The following HACD2 variants were observed in gnomAD, a reference collection of about 807,000 sequenced individuals.
HACD2 encodes very-long-chain (3R)-3-hydroxyacyl-CoA dehydratase 2.
HACD2 carries 15 observed loss-of-function variants against 31.0 expected under a neutral mutation model. The observed-to-expected ratio is 0.48, with a 90% CI of 0.32 to 0.75. The LOEUF is 0.75. HACD2 is among the 30% of genes least tolerant of loss of function. The pLI, the probability that HACD2 is intolerant of heterozygous loss-of-function variation, is 0.03. For missense variants in HACD2, 283 were observed against 313.0 expected (o/e 0.90, Z 0.72); for synonymous variants, 115 against 122.2 (o/e 0.94, Z 0.39).
intron 3 of HACD2, among the ~76,000 whole-genome samples, chr3:123,543,253 G>A (rs1309599196): frequency 6.6e-6 from 1 of 152,122 alleles, no homozygotes; most frequent in Non-Finnish European, 1.5e-5. Context: ...ACGGATGAGA[G>A]GTATTGCTGT....
chr3:123,582,572 T>C (rs946717450), intron 1 of HACD2, among the ~76,000 whole-genome samples: 5 of 151,962 alleles, frequency 3.3e-5, no homozygotes. Flanking sequence ...CTGGAGCTCA[T>C]TTTTTTGGCA....
Position 123,568,989 on chromosome 3 carries a change from A to T in HACD2, c.274-1209T>A, listed in dbSNP as rs559777038. ...TTTCATTGTGCATTAGTTATGAGAG[A>T]TCTACAGAGTCAGACTTGACAAGAC... On this transcript the variant is annotated intron_variant, in intron 2 of 6. Coordinates refer to ENST00000383657, the MANE Select transcript of HACD2 (RefSeq NM_198402.5). Among the ~76,000 whole-genome samples the T allele has an allele frequency of 7.9e-5, 12 of 152,304 alleles. No individual in the cohort carries two copies. The South Asian group carries it at 2.5e-3, about 32-fold the overall frequency.
At chr3:123,536,204 T>G (rs943847075) in intron 3 of HACD2, among the ~76,000 whole-genome samples, 8 of 152,180 alleles carry the variant, frequency 5.3e-5, no homozygotes, top group African/African-American at 1.9e-4. Flanking sequence ...TACACTCTCC[T>G]AACCTGTACC....
rs564817803 is a variant in HACD2 at position 123,509,701 on chromosome 3, G to A, written c.382-7020C>T. 1.5e-3 allele frequency among the ~76,000 whole-genome samples: 226 copies of A among 151,980 alleles called. 1 individual carries two copies. Among genetic ancestry groups the A allele is most frequent in the African/African-American group, 5.3e-3 (219 of 41,484 alleles). On this transcript the variant is annotated intron_variant, in intron 4 of 6. Coordinates refer to ENST00000383657, the MANE Select transcript of HACD2 (RefSeq NM_198402.5). ...TTTTTAGTAGAGATGGGGTTTCACC[G>A]TGTTAGCCAGGATGGTCTCGATCTC...
At chr3:123,502,757 G>C in intron 4 of HACD2, 76 bp from the exon 5 acceptor site, 1 of 1,477,322 alleles carries the variant, frequency 6.8e-7, no homozygotes, top group Non-Finnish European at 9.1e-7. Flanking sequence ...ACCCGGCAGA[G>C]CCAGGGAGTG....
At chr3:123,569,335 A>C (rs1273185786) in intron 2 of HACD2, among the ~76,000 whole-genome samples, 1 of 152,184 alleles carries the variant, frequency 6.6e-6, no homozygotes, top group Non-Finnish European at 1.5e-5. Context: ...TGAAACAAGA[A>C]GACAGATGAC....
intron 3 of HACD2, among the ~76,000 whole-genome samples, chr3:123,551,862 T>C (rs1185229055): frequency 1.3e-5 from 2 of 152,086 alleles, no homozygotes; most frequent in African/African-American, 2.4e-5. Context: ...TCACAATATA[T>C]CTATATAGCT....
intron 3 of HACD2, among the ~76,000 whole-genome samples, chr3:123,529,577 T>C (rs1201578524): frequency 6.6e-6 from 1 of 151,964 alleles, no homozygotes; most frequent in African/African-American, 2.4e-5. Flanking sequence ...ATAAAAAACA[T>C]ATTAGCTCGC....
intron 4 of HACD2, among the ~76,000 whole-genome samples, chr3:123,514,764 T>C (rs2056112126): frequency 6.6e-6 from 1 of 152,212 alleles, no homozygotes; most frequent in African/African-American, 2.4e-5. Flanking sequence ...ATCAAATTCT[T>C]AATAAATGCT....
intron 6 of HACD2, among the ~76,000 whole-genome samples, chr3:123,497,587 C>G (rs1382837375): frequency 6.6e-6 from 1 of 152,244 alleles, no homozygotes; most frequent in Non-Finnish European, 1.5e-5. Flanking sequence ...CACCCCTCAT[C>G]AATGTATCTT....
chr3:123,542,104 G>A (rs918450689), intron 3 of HACD2, among the ~76,000 whole-genome samples: 5 of 109,932 alleles, frequency 4.5e-5, no homozygotes, highest in South Asian at 3.3e-4. Flanking sequence ...CCGAGATCCC[G>A]CCACTGCACT....
At chr3:123,571,670 G>A (rs2056857042) in intron 2 of HACD2, among the ~76,000 whole-genome samples, 1 of 152,164 alleles carries the variant, frequency 6.6e-6, no homozygotes, top group African/African-American at 2.4e-5. Flanking sequence ...CTCCAGATAA[G>A]AAATCAGCCA....
chr3:123,521,833 G>T (rs1459009245), intron 4 of HACD2, among the ~76,000 whole-genome samples: 1 of 152,192 alleles, frequency 6.6e-6, no homozygotes, highest in African/African-American at 2.4e-5. Flanking sequence ...GGTAACATTG[G>T]ATTCTGTGGT....
intron 3 of HACD2, among the ~76,000 whole-genome samples, chr3:123,551,345 A>C (rs2107731535): frequency 6.6e-6 from 1 of 152,252 alleles, no homozygotes; most frequent in South Asian, 2.1e-4. Context: ...TAGGCCGGGC[A>C]CGGTGGCTCA....
At chr3:123,571,647 C>T (rs1338869661) in intron 2 of HACD2, among the ~76,000 whole-genome samples, 3 of 152,200 alleles carry the variant, frequency 2.0e-5, no homozygotes, top group Admixed American at 6.5e-5. Context: ...AAAGTGGATT[C>T]TTCCCCTGGA....
chr3:123,503,102 A>G (rs967797695), intron 4 of HACD2, among the ~76,000 whole-genome samples: 1 of 152,128 alleles, frequency 6.6e-6, no homozygotes, highest in African/African-American at 2.4e-5. Context: ...TGTTTCCACA[A>G]AAAATACAGA....
intron 2 of HACD2, among the ~76,000 whole-genome samples, chr3:123,573,199 T>A (rs1283383336): frequency 2.0e-5 from 3 of 152,360 alleles, no homozygotes; most frequent in African/African-American, 7.2e-5. Flanking sequence ...TAAAACTTAA[T>A]AATAATAATA....
At chr3:123,566,578 C>T (rs1435297905) in intron 3 of HACD2, among the ~76,000 whole-genome samples, 1 of 151,350 alleles carries the variant, frequency 6.6e-6, no homozygotes, top group African/African-American at 2.4e-5. Flanking sequence ...GCCACCACAC[C>T]TGGCCCAAGG....
rs761073155 is a variant in HACD2, at chr3:123,494,975, A to G, written c.683-5T>C. On this transcript the variant is annotated splice_region_variant and splice_polypyrimidine_tract_variant and intron_variant, in intron 6 of 6. Transcript: ENST00000383657. The stretch of plus-strand genomic sequence containing the variant: ...GGAAGTATAACTGGGGAAAAACTGA[A>G]AAGAAAAGAAAAATTGGTTAAGAGG... 6.5e-6 allele frequency: 10 copies of G among 1,534,212 alleles called. No individual in the cohort carries two copies. The highest frequency in any genetic ancestry group is 1.2e-5 in the South Asian group (1 of 83,292).
Sources: allele counts gnomAD v4.1 joint callset (sites outside exome capture counted in the v4.1 genomes callset), GRCh38; gene constraint gnomAD v4.1.1; transcripts MANE v1.5; gene names NCBI Gene and HGNC (gene_info 2026-07-23, HGNC 2026-07-21).